Variants in PRKN observed in about 807,000 individuals in gnomAD.
The protein encoded by PRKN is E3 ubiquitin-protein ligase parkin.
Under a neutral mutation model 59.5 loss-of-function variants are expected in PRKN, and 56 were observed. That is an observed-to-expected ratio of 0.94 (90% confidence interval 0.76 to 1.18). PRKN has a LOEUF of 1.18. Among genes scored for constraint, PRKN ranks in the 50% most tolerant of loss-of-function variants. The pLI is 0.00. For missense variants in PRKN, 657 were observed against 596.4 expected (o/e 1.10, Z -1.06); for synonymous variants, 250 against 222.1 (o/e 1.13, Z -1.12).
chr6:161,765,558 C>G (rs1398929215), intron 7 of PRKN, among the ~76,000 whole-genome samples: 1 of 152,042 alleles, frequency 6.6e-6, no homozygotes, highest in African/African-American at 2.4e-5. Context: ...GGTAATTACT[C>G]CTTCTATTGA....
Position 161,386,994 on chromosome 6 carries a change from AT to A in PRKN, c.1084-118del, listed in dbSNP as rs1382359849. The A allele has an allele frequency of 1.2e-6, 1 of 830,964 alleles. No individual in the cohort carries two copies. Among genetic ancestry groups the A allele is most frequent in the Non-Finnish European group, 2.1e-6 (1 of 481,412 alleles). 51.5% of individuals were successfully genotyped at this position (830,964 alleles called of 1,614,324 possible). On this transcript the variant is annotated intron_variant, in intron 9 of 11. Coordinates refer to ENST00000366898, the MANE Select transcript of PRKN (RefSeq NM_004562.3). The surrounding 1 kb of genome is among the most constrained non-coding windows in gnomAD (Gnocchi z 4.3). ...CTCTGGCTTGTGCAACAGTTTCTGTATAAAAATACTTTTTTTGCAAAGAGAA... is the reference window on the plus strand; with the variant it reads ...CTCTGGCTTGTGCAACAGTTTCTGTAAAAAATACTTTTTTTGCAAAGAGAA...
chr6:162,301,435 A>T (rs1468673538), intron 2 of PRKN, among the ~76,000 whole-genome samples: 1 of 152,118 alleles, frequency 6.6e-6, no homozygotes, highest in Non-Finnish European at 1.5e-5. Flanking sequence ...TCAGTGAGGG[A>T]TGCCATAACC....
At chr6:162,220,734 C>T (rs982187116) in intron 3 of PRKN, among the ~76,000 whole-genome samples, 3 of 152,122 alleles carry the variant, frequency 2.0e-5, no homozygotes, top group Admixed American at 1.3e-4. Flanking sequence ...CTACTCATGG[C>T]GCAGCCAAGG....
intron 2 of PRKN, among the ~76,000 whole-genome samples, chr6:162,345,149 G>C (rs577316877): frequency 6.6e-6 from 1 of 152,116 alleles, no homozygotes; most frequent in South Asian, 2.1e-4. Flanking sequence ...GAATAACTCC[G>C]AATACAACAC....
chr6:161,582,233 G>A lies in PRKN; in HGVS notation c.872-12817C>T, dbSNP rs998991379. Among the ~76,000 whole-genome samples the A allele has an allele frequency of 7.2e-5, 11 of 152,014 alleles. No homozygotes were observed. The highest frequency in any genetic ancestry group is 1.0e-4 in the Non-Finnish European group (7 of 68,010). ...GACAACCCAATTCTTTGGATAATTC[G>A]TCTTATTTTATAATAGCAGAAACAT... On this transcript the variant is annotated intron_variant, in intron 7 of 11. Coordinates refer to ENST00000366898, the MANE Select transcript of PRKN (RefSeq NM_004562.3). This position sits in a 1 kb window ranked among gnomAD's most constrained non-coding sequence, Gnocchi z 4.4.
intron 7 of PRKN, among the ~76,000 whole-genome samples, chr6:161,758,178 C>A (rs1054592890): frequency 6.6e-6 from 1 of 151,570 alleles, no homozygotes; most frequent in South Asian, 2.1e-4. Context: ...TTGGCAGTTC[C>A]TTAAAAAGAA....
Position 161,363,599 on chromosome 6 carries a change from A to C in PRKN, c.1168-3394T>G, listed in dbSNP as rs1390853468. Among the ~76,000 whole-genome samples, 1 of 152,174 alleles carries C rather than the reference A, an allele frequency of 6.6e-6. No individual in the cohort carries two copies. Among genetic ancestry groups the C allele is most frequent in the Non-Finnish European group, 1.5e-5 (1 of 68,034 alleles). On this transcript the variant is annotated intron_variant, in intron 10 of 11. Coordinates refer to ENST00000366898, the MANE Select transcript of PRKN (RefSeq NM_004562.3). This position sits in a 1 kb window ranked among gnomAD's most constrained non-coding sequence, Gnocchi z 4.1. ...TTTCTAAGTAGAGTTCTGGAAGGAG[A>C]TAACAAAGAGCATGAGAGAGAAACA...
At chr6:162,564,829 G>C (rs995293470) in intron 1 of PRKN, among the ~76,000 whole-genome samples, 2 of 145,034 alleles carry the variant, frequency 1.4e-5, no homozygotes, top group Admixed American at 7.0e-5. Context: ...ACCAATAGCA[G>C]ACCTGTCCTA....
At chr6:161,380,847 C>T (rs1320434182) in intron 10 of PRKN, among the ~76,000 whole-genome samples, 1 of 152,096 alleles carries the variant, frequency 6.6e-6, no homozygotes, top group African/African-American at 2.4e-5. Context: ...ACTGGAAGGC[C>T]TGGTACCATT....
intron 2 of PRKN, among the ~76,000 whole-genome samples, chr6:162,438,451 T>TCCGC (rs1789889363): frequency 6.6e-6 from 1 of 152,178 alleles, no homozygotes; most frequent in South Asian, 2.1e-4. Flanking sequence ...TCTTTAGCCA[T>TCCGC]TCTTTTAGGG....
At chr6:162,109,205 T>A (rs1780318774) in intron 4 of PRKN, among the ~76,000 whole-genome samples, 1 of 152,186 alleles carries the variant, frequency 6.6e-6, no homozygotes, top group Non-Finnish European at 1.5e-5. Flanking sequence ...AGCCCAGCCC[T>A]ATTTTAGCTA....
intron 7 of PRKN, among the ~76,000 whole-genome samples, chr6:161,602,466 G>A (rs1427566073): frequency 6.6e-6 from 1 of 152,142 alleles, no homozygotes; most frequent in Non-Finnish European, 1.5e-5. Context: ...CATTCATTTG[G>A]ACTTACTTCT....
chr6:162,103,067 A>T (rs977202231), intron 4 of PRKN, among the ~76,000 whole-genome samples: 2 of 151,786 alleles, frequency 1.3e-5, no homozygotes, highest in African/African-American at 4.8e-5. Flanking sequence ...AAAGAAAAAA[A>T]GAAATACATA....
At chr6:162,645,292 T>TCC (rs1199130252) in intron 1 of PRKN, among the ~76,000 whole-genome samples, 1 of 152,188 alleles carries the variant, frequency 6.6e-6, no homozygotes, top group African/African-American at 2.4e-5. Context: ...TATTGCAGCC[T>TCC]CATTCATGGA....
intron 7 of PRKN, among the ~76,000 whole-genome samples, chr6:161,635,848 A>G (rs1707549133): frequency 2.0e-5 from 3 of 152,226 alleles, no homozygotes; most frequent in South Asian, 4.1e-4. Flanking sequence ...CAATCCTGAA[A>G]GAGCTCTAAT....
intron 3 of PRKN, among the ~76,000 whole-genome samples, chr6:162,209,820 A>G (rs777102960): frequency 1.3e-5 from 2 of 152,156 alleles, no homozygotes; most frequent in Non-Finnish European, 2.9e-5. Context: ...ATGTGGATGA[A>G]GCTGGAAACC....
intron 1 of PRKN, among the ~76,000 whole-genome samples, chr6:162,501,516 T>TTA (rs1393177068): frequency 9.7e-5 from 6 of 61,806 alleles, no homozygotes; most frequent in Middle Eastern, 0.01. Context: ...CCTGGTTAAT[T>TTA]TTTTTTTTTT....
At chr6:161,969,047 CAAAAAT>C (rs1436549254) in intron 6 of PRKN, among the ~76,000 whole-genome samples, 1 of 152,000 alleles carries the variant, frequency 6.6e-6, no homozygotes, top group African/African-American at 2.4e-5. Context: ...TAGGCAAAGA[CAAAAAT>C]TATGCTGAAA....
intron 3 of PRKN, among the ~76,000 whole-genome samples, chr6:162,223,770 T>A (rs1271679672): frequency 1.3e-5 from 2 of 152,090 alleles, no homozygotes; most frequent in Non-Finnish European, 2.9e-5. Flanking sequence ...TGAAATGTCA[T>A]TCCCACAGCT....
Sources: allele counts gnomAD v4.1 joint callset (sites outside exome capture counted in the v4.1 genomes callset), GRCh38; gene constraint gnomAD v4.1.1; non-coding constraint Gnocchi (gnomAD v3.1); transcripts MANE v1.5; gene names NCBI Gene and HGNC (gene_info 2026-07-23, HGNC 2026-07-21).